Variants in PPP6R1 observed in about 807,000 individuals in gnomAD.
PPP6R1 encodes protein phosphatase 6 regulatory subunit 1.
PPP6R1 carries 39 observed loss-of-function variants against 104.6 expected under a neutral mutation model. The observed-to-expected ratio is 0.37, with a 90% CI of 0.29 to 0.49. The LOEUF (loss-of-function observed/expected upper bound fraction) is 0.49, where lower values mean the gene tolerates loss of function less well. Among genes scored for constraint, PPP6R1 ranks in the 20% least tolerant of loss-of-function variants. The pLI, the probability that PPP6R1 is intolerant of heterozygous loss-of-function variation, is 0.98. For synonymous variants in PPP6R1, 549 were observed against 479.0 expected, an observed-to-expected ratio of 1.15 and a Z score of -1.91; for missense variants, 1,181 against 1,155.8, an observed-to-expected ratio of 1.02 and a Z score of -0.32.
chr19:55,253,926 G>C (rs889004053), intron 1 of PPP6R1, among the ~76,000 whole-genome samples: 1 of 152,168 alleles, frequency 6.6e-6, no homozygotes, highest in African/African-American at 2.4e-5. Context: ...AGCCCACCAG[G>C]GCGGGCTGCT....
chr19:55,253,130 G>A (rs1216981027), intron 1 of PPP6R1, among the ~76,000 whole-genome samples: 1 of 152,232 alleles, frequency 6.6e-6, no homozygotes, highest in Non-Finnish European at 1.5e-5. Flanking sequence ...GATAGGAGCA[G>A]CACCAAGCCA....
chr19:55,252,818 G>A (rs533515571), intron 1 of PPP6R1, among the ~76,000 whole-genome samples: 1 of 152,168 alleles, frequency 6.6e-6, no homozygotes, highest in Middle Eastern at 3.2e-3. Flanking sequence ...GCTTACAGGC[G>A]TGAGCCACTG....
At chr19:55,250,513 G>A (rs1750832775) in intron 1 of PPP6R1, among the ~76,000 whole-genome samples, 1 of 152,142 alleles carries the variant, frequency 6.6e-6, no homozygotes, top group African/African-American at 2.4e-5. Context: ...CTCACCTCAG[G>A]GAGGAGCCTG....
downstream of PPP6R1, chr19:55,228,647 G>A: frequency 6.3e-7 from 1 of 1,592,678 alleles, no homozygotes; most frequent in Non-Finnish European, 8.6e-7. Flanking sequence ...GGGGTTCCAG[G>A]GCCCTGTCCC....
chr19:55,257,270 CAGTT>C (rs1053738901), intron 1 of PPP6R1, among the ~76,000 whole-genome samples: 17 of 152,316 alleles, frequency 1.1e-4, no homozygotes, highest in East Asian at 5.8e-4. Flanking sequence ...CGCACGCTAA[CAGTT>C]AGACCCTCGC....
chr19:55,258,174 G>A (rs1026292417), intron 1 of PPP6R1, among the ~76,000 whole-genome samples: 5 of 152,252 alleles, frequency 3.3e-5, no homozygotes, highest in African/African-American at 9.6e-5. Context: ...GCTGCAGAGA[G>A]CGAGTGGGAA....
intron 15 of PPP6R1, chr19:55,239,008 G>C (rs74970748): frequency 0.068 from 13,931 of 204,592 alleles, 712 homozygotes; most frequent in Non-Finnish European, 0.1. Context: ...CTGAGCCAGA[G>C]GGCATCCATG....
At chr19:55,238,011 T>C (rs1402777068) in intron 15 of PPP6R1, among the ~76,000 whole-genome samples, 2 of 152,100 alleles carry the variant, frequency 1.3e-5, no homozygotes, top group Non-Finnish European at 2.9e-5. Context: ...GTGACCCCAA[T>C]GCCATCTACC....
At chr19:55,247,198 C>T in intron 1 of PPP6R1, 89 bp from the exon 2 acceptor site, 2 of 1,334,738 alleles carry the variant, frequency 1.5e-6, no homozygotes, top group Non-Finnish European at 2.1e-6. Context: ...TGAGTGCCCA[C>T]CTTGGGCACA....
At chr19:55,257,575 C>CG (rs1369607548) in intron 1 of PPP6R1, among the ~76,000 whole-genome samples, 2 of 152,088 alleles carry the variant, frequency 1.3e-5, no homozygotes, top group African/African-American at 4.8e-5. Flanking sequence ...GCTCCTTCCC[C>CG]CCCCGGAAGG....
At chr19:55,246,333 G>A (rs1046854402) in intron 2 of PPP6R1, among the ~76,000 whole-genome samples, 12 of 151,662 alleles carry the variant, frequency 7.9e-5, no homozygotes, top group African/African-American at 2.9e-4. Flanking sequence ...GGTGAGGCAG[G>A]AGAATCACTT....
chr19:55,258,599 C>A lies in PPP6R1; in HGVS notation c.-171G>T, dbSNP rs1253286850. The A allele has an allele frequency of 6.6e-6, 1 of 150,462 alleles. No homozygotes were observed. Among genetic ancestry groups the A allele is most frequent in the Admixed American group, 6.6e-5 (1 of 15,130 alleles). The allele number at this position is 150,462 out of a possible 1,614,324, so 9.3% of individuals were successfully genotyped here. On this transcript the variant is annotated 5_prime_UTR_variant, in exon 1 of 24. Transcript: ENST00000412770. ...GGGGCTCGCGGGGTCCGCGCAGGCG[C>A]CCGCGGGTCGTGGGGTCCTCGCGCG...
intron 1 of PPP6R1, among the ~76,000 whole-genome samples, chr19:55,249,061 C>G (rs1484526967): frequency 2.0e-5 from 3 of 152,212 alleles, no homozygotes; most frequent in Non-Finnish European, 4.4e-5. Flanking sequence ...TGGCCAATGA[C>G]AGTTGAGGGT....
In PPP6R1 at chr19:55,258,483, C is replaced by A. The variant is rs987402979; in HGVS notation, c.-55G>T. On this transcript the variant is annotated 5_prime_UTR_variant, in exon 1 of 24. Coordinates refer to ENST00000412770, the MANE Select transcript of PPP6R1 (RefSeq NM_014931.4). Reference sequence around the variant, plus strand: ...TCGCACTCGGGGCTCATCGGGGCGCCCCCCCCCGCCCCGCCGCCGGCGGCT... The same window carrying A: ...TCGCACTCGGGGCTCATCGGGGCGCACCCCCCCGCCCCGCCGCCGGCGGCT... The A allele has an allele frequency of 1.4e-5, 2 of 147,890 alleles. No individual in the cohort carries two copies. Among genetic ancestry groups the A allele is most frequent in the African/African-American group, 2.5e-5 (1 of 40,422 alleles). The allele number at this position is 147,890 out of a possible 1,614,324, so 9.2% of individuals were successfully genotyped here.
intron 10 of PPP6R1, 65 bp downstream of exon 10, chr19:55,240,880 T>C: frequency 6.4e-7 from 1 of 1,561,398 alleles, no homozygotes; most frequent in Non-Finnish European, 8.7e-7. Flanking sequence ...GGGGTAGGCC[T>C]CTGGAGAGGG....
chr19:55,252,710 A>T (rs1250232239), intron 1 of PPP6R1, among the ~76,000 whole-genome samples: 1 of 150,846 alleles, frequency 6.6e-6, no homozygotes, highest in African/African-American at 2.4e-5. Context: ...TAATTTTTGC[A>T]TTTTTTTAGT....
chr19:55,253,513 G>T (rs557497229), intron 1 of PPP6R1, among the ~76,000 whole-genome samples: 42 of 152,302 alleles, frequency 2.8e-4, no homozygotes, highest in African/African-American at 1.0e-3. Context: ...GAGACGGGAG[G>T]GTGCTCGCTG....
At chr19:55,242,875 C>T (rs538605736) in intron 5 of PPP6R1, among the ~76,000 whole-genome samples, 1 of 152,136 alleles carries the variant, frequency 6.6e-6, no homozygotes, top group Non-Finnish European at 1.5e-5. Context: ...CATGAATGAG[C>T]CACAAAAACA....
chr19:55,230,284 C>G lies in PPP6R1; in HGVS notation c.*244G>C. 1 of 587,264 alleles carries G rather than the reference C, an allele frequency of 1.7e-6. No homozygotes were observed. Among genetic ancestry groups the G allele is most frequent in the Non-Finnish European group, 3.0e-6 (1 of 329,290 alleles). 36.4% of individuals were successfully genotyped at this position (587,264 alleles called of 1,614,324 possible). On this transcript the variant is annotated 3_prime_UTR_variant, in exon 24 of 24. Transcript: ENST00000412770. ...TAATATATGTTTCTCTCTCTCCATT[C>G]TCTCTATTTGACTCTCTGTATCTTT... is the stretch of plus-strand genomic sequence containing the variant.
Sources: allele counts gnomAD v4.1 joint callset (sites outside exome capture counted in the v4.1 genomes callset), GRCh38; gene constraint gnomAD v4.1.1; transcripts MANE v1.5; gene names NCBI Gene and HGNC (gene_info 2026-07-23, HGNC 2026-07-21).